Variants in FAM135B observed in about 807,000 individuals in gnomAD.
FAM135B encodes the protein family with sequence similarity 135 member B.
FAM135B carries 43 observed loss-of-function variants against 127.7 expected under a neutral mutation model. The observed-to-expected ratio is 0.34, with a 90% confidence interval of 0.26 to 0.43. FAM135B has a LOEUF of 0.43. Ranked by LOEUF, FAM135B falls within the 20% of genes least tolerant of loss-of-function variation. The pLI, the probability that FAM135B is intolerant of heterozygous loss-of-function variation, is 1.00. For missense variants in FAM135B, 1,558 were observed against 1,725.6 expected, an observed-to-expected ratio of 0.90 and a Z score of 1.72; for synonymous variants, 670 against 665.1, an observed-to-expected ratio of 1.01 and a Z score of -0.11.
chr8:138,315,642 T>C (rs1266279046), intron 2 of FAM135B, among the ~76,000 whole-genome samples: 1 of 149,192 alleles, frequency 6.7e-6, no homozygotes, highest in Non-Finnish European at 1.5e-5. Context: ...CACATACACA[T>C]GCACTCAAAC....
At chr8:138,285,126 C>A (rs1824570109) in intron 3 of FAM135B, among the ~76,000 whole-genome samples, 1 of 141,350 alleles carries the variant, frequency 7.1e-6, no homozygotes, top group South Asian at 2.3e-4. Flanking sequence ...CATATATTGG[C>A]TCTACTAATT....
chr8:138,264,624 T>C (rs918640653), intron 4 of FAM135B, among the ~76,000 whole-genome samples: 5 of 152,218 alleles, frequency 3.3e-5, no homozygotes, highest in Admixed American at 3.3e-4. Flanking sequence ...TATGTCATGT[T>C]CACTATTTTT....
Position 138,497,113 on chromosome 8 carries a change from G to A in FAM135B, c.-462C>T, listed in dbSNP as rs1038441203. 2.0e-5 allele frequency among the ~76,000 whole-genome samples: 3 copies of A among 151,550 alleles called. No homozygotes were observed. The highest frequency in any genetic ancestry group is 6.6e-5 in the Admixed American group (1 of 15,212). On this transcript the variant is annotated 5_prime_UTR_variant, in exon 1 of 20. Transcript: ENST00000395297. ...CTCCCGGGCTGCGCTCACCTCTGGC[G>A]CCCTCACTCCTCTCCTTCCTCCGCC...
At chr8:138,408,256 A>G (rs1563977310) in intron 1 of FAM135B, among the ~76,000 whole-genome samples, 1 of 152,160 alleles carries the variant, frequency 6.6e-6, no homozygotes, top group Non-Finnish European at 1.5e-5. Context: ...TTATATCTAC[A>G]CTGAAAATCT....
intron 2 of FAM135B, among the ~76,000 whole-genome samples, chr8:138,365,418 TG>T (rs1830675795): frequency 6.6e-6 from 1 of 152,210 alleles, no homozygotes; most frequent in Non-Finnish European, 1.5e-5. Flanking sequence ...GATTATTTTG[TG>T]TAAGACTGTC....
rs539228544 is a variant in FAM135B at position 138,183,026 on chromosome 8, C to T, written c.874-4336G>A. Among the ~76,000 whole-genome samples, 8 of 152,060 alleles carry T rather than the reference C, an allele frequency of 5.3e-5. No individual in the cohort carries two copies. The South Asian group carries it at 1.5e-3, about 28-fold the overall frequency. On this transcript the variant is annotated intron_variant, in intron 9 of 19. Coordinates refer to ENST00000395297, the MANE Select transcript of FAM135B (RefSeq NM_015912.4). ...CCCCAACACCTTGTGTGCATACACA[C>T]TCAGGCACACACACACCTGCGATGT...
chr8:138,423,381 T>C (rs571145794), intron 1 of FAM135B, among the ~76,000 whole-genome samples: 1 of 152,266 alleles, frequency 6.6e-6, no homozygotes, highest in African/African-American at 2.4e-5. Flanking sequence ...TTCTTTTCTA[T>C]TTTCCCTAAG....
intron 2 of FAM135B, among the ~76,000 whole-genome samples, chr8:138,336,739 C>A: frequency 6.6e-6 from 1 of 152,196 alleles, no homozygotes; most frequent in East Asian, 1.9e-4. Context: ...AAGAGGGAAT[C>A]CTCCCTAACT....
intron 12 of FAM135B, among the ~76,000 whole-genome samples, chr8:138,161,954 TA>T (rs11293235): frequency 0.32 from 49,182 of 152,044 alleles, 8,082 homozygotes; most frequent in Middle Eastern, 0.41. Context: ...GGCTAGTACA[TA>T]GGTGATGAAT....
intron 3 of FAM135B, among the ~76,000 whole-genome samples, chr8:138,287,302 T>C (rs1472054005): frequency 1.3e-5 from 2 of 152,104 alleles, no homozygotes; most frequent in Non-Finnish European, 2.9e-5. Flanking sequence ...CATGAGAAGA[T>C]GGTCAACCTC....
intron 3 of FAM135B, among the ~76,000 whole-genome samples, chr8:138,270,172 T>C (rs141185560): frequency 2.6e-5 from 4 of 152,192 alleles, no homozygotes; most frequent in South Asian, 2.1e-4. Context: ...GGAGAGCCCA[T>C]CACTGGAGGG....
At chr8:138,370,683 C>G (rs371909626) in intron 1 of FAM135B, among the ~76,000 whole-genome samples, 43 of 152,246 alleles carry the variant, frequency 2.8e-4, no homozygotes, top group African/African-American at 8.2e-4. Context: ...ATCTCCTGAC[C>G]TCGTGATCTG....
In FAM135B at chr8:138,276,925, G is replaced by A. The variant is rs116017771; in HGVS notation, c.158-11083C>T. 3.2e-3 allele frequency among the ~76,000 whole-genome samples: 486 copies of A among 152,310 alleles called. 4 individuals are homozygous for A. Among genetic ancestry groups the A allele is most frequent in the African/African-American group, 0.011 (449 of 41,590 alleles). On this transcript the variant is annotated intron_variant, in intron 3 of 19. Coordinates refer to ENST00000395297, the MANE Select transcript of FAM135B (RefSeq NM_015912.4). ...GGTGAGGGTCTGGAATGGGGGCCAA[G>A]GTAACTGGCCACTGTAGTCTGGGAG...
chr8:138,337,959 T>A (rs1467006488), intron 2 of FAM135B, among the ~76,000 whole-genome samples: 9 of 152,062 alleles, frequency 5.9e-5, no homozygotes, highest in Non-Finnish European at 1.2e-4. Flanking sequence ...ATGCCGCATA[T>A]CTACAACCAT....
intron 2 of FAM135B, among the ~76,000 whole-genome samples, chr8:138,323,988 G>A (rs2130957868): frequency 6.6e-6 from 1 of 152,284 alleles, no homozygotes; most frequent in South Asian, 2.1e-4. Context: ...CAGGGCTTGG[G>A]GCCAAAGCCA....
intron 2 of FAM135B, among the ~76,000 whole-genome samples, chr8:138,356,661 C>T (rs1362638391): frequency 2.0e-5 from 3 of 152,072 alleles, no homozygotes; most frequent in Non-Finnish European, 4.4e-5. Context: ...GCAAAGATCT[C>T]CCTACTTTGA....
In FAM135B at chr8:138,197,657, T is replaced by G. The variant is rs2131141115; in HGVS notation, c.682A>C (p.Ile228Leu). Residue 228 changes from isoleucine to leucine, a missense_variant, in exon 8 of 20, where the codon ATC becomes CTC. Coordinates refer to ENST00000395297, the MANE Select transcript of FAM135B (RefSeq NM_015912.4). ...KPTSSEGSFYITSENCMQHAH... is the reference protein window; with the variant it reads ...KPTSSEGSFYLTSENCMQHAH... ...TGCTGCATGCAGTTCTCAGAGGTGATGTAGAAGCTTCCCTAAGGGGTGAAA... is the reference window on the plus strand; with the variant it reads ...TGCTGCATGCAGTTCTCAGAGGTGAGGTAGAAGCTTCCCTAAGGGGTGAAA... The G allele has an allele frequency of 6.2e-7, 1 of 1,613,826 alleles. No individual in the cohort carries two copies. The highest frequency in any genetic ancestry group is 8.5e-7 in the Non-Finnish European group (1 of 1,179,800).
intron 1 of FAM135B, among the ~76,000 whole-genome samples, chr8:138,408,540 C>A (rs749549170): frequency 6.6e-6 from 1 of 152,102 alleles, no homozygotes; most frequent in Non-Finnish European, 1.5e-5. Context: ...TTTTTTAGTC[C>A]ATTCTCACAG....
At chr8:138,495,828 T>G (rs181490770) in intron 1 of FAM135B, among the ~76,000 whole-genome samples, 1 of 152,236 alleles carries the variant, frequency 6.6e-6, no homozygotes, top group Admixed American at 6.5e-5. Context: ...CATCATAACC[T>G]GATGGAAAAC....
Sources: allele counts gnomAD v4.1 joint callset (sites outside exome capture counted in the v4.1 genomes callset), GRCh38; gene constraint gnomAD v4.1.1; transcripts MANE v1.5; gene names NCBI Gene and HGNC (gene_info 2026-07-23, HGNC 2026-07-21).